CBFB: variants seen among roughly 807,000 people sequenced by gnomAD.
CBFB encodes the protein core-binding factor subunit beta, also known as CBF-beta.
CBFB carries 9 observed loss-of-function variants against 30.4 expected under a neutral mutation model. The observed-to-expected ratio is 0.30, with a 90% CI of 0.18 to 0.52. The LOEUF is 0.52. CBFB is among the 20% of genes least tolerant of loss of function. The probability of loss-of-function intolerance (pLI) is 0.97; values close to 1 mark genes in which losing one functional copy is unlikely to be tolerated. For synonymous variants in CBFB, 94 were observed against 84.0 expected (o/e 1.12, Z -0.65); for missense variants, 170 against 244.0 (o/e 0.70, Z 2.02).
intron 2 of CBFB, among the ~76,000 whole-genome samples, chr16:67,033,748 A>T (rs1452581672): frequency 1.3e-5 from 2 of 148,714 alleles, no homozygotes; most frequent in East Asian, 3.9e-4. Context: ...AGTAACTGGG[A>T]CTACAGTCGC....
chr16:67,060,793 G>T (rs1269030201), intron 3 of CBFB, among the ~76,000 whole-genome samples: 4 of 152,158 alleles, frequency 2.6e-5, no homozygotes, highest in Non-Finnish European at 4.4e-5. Flanking sequence ...GACCTCAGAT[G>T]ATCTGCCCAT....
intron 5 of CBFB, among the ~76,000 whole-genome samples, chr16:67,094,909 G>A (rs768714608): frequency 6.6e-6 from 1 of 152,118 alleles, no homozygotes; most frequent in African/African-American, 2.4e-5. Flanking sequence ...ACATGCTAGA[G>A]AAATATATCA....
At chr16:67,068,651 T>C (rs2145753346) in intron 4 of CBFB, among the ~76,000 whole-genome samples, 1 of 152,224 alleles carries the variant, frequency 6.6e-6, no homozygotes, top group African/African-American at 2.4e-5. Flanking sequence ...ATCTAAACTG[T>C]CTGGTTTTCA....
intron 5 of CBFB, among the ~76,000 whole-genome samples, chr16:67,092,640 A>AT (rs944305876): frequency 2.6e-4 from 18 of 68,892 alleles, no homozygotes; most frequent in East Asian, 9.8e-4. Flanking sequence ...ATTTTATTTT[A>AT]TTTTTTTTAG....
intron 3 of CBFB, among the ~76,000 whole-genome samples, chr16:67,059,348 T>TCAGG (rs1421825752): frequency 6.6e-6 from 1 of 152,174 alleles, no homozygotes; most frequent in African/African-American, 2.4e-5. Context: ...ATTTACCATC[T>TCAGG]CAGGCCCTGT....
chr16:67,059,398 T>G (rs1321484385), intron 3 of CBFB, among the ~76,000 whole-genome samples: 1 of 152,198 alleles, frequency 6.6e-6, no homozygotes, highest in Non-Finnish European at 1.5e-5. Context: ...AAAGGCAGAA[T>G]GGAGTTTTTC....
chr16:67,029,654 C>T (rs1009079133), intron 1 of CBFB, 73 bp from the exon 2 acceptor site: 2 of 1,423,698 alleles, frequency 1.4e-6, no homozygotes, highest in African/African-American at 1.5e-5. Context: ...CTTATCGGCG[C>T]TGCGCTGGGA....
At chr16:67,075,020 C>T (rs762227856) in intron 4 of CBFB, among the ~76,000 whole-genome samples, 2 of 151,992 alleles carry the variant, frequency 1.3e-5, no homozygotes, top group Non-Finnish European at 2.9e-5. Context: ...AAAACCCCAT[C>T]TCTACTAAAA....
At chr16:67,051,730 T>C (rs1370952393) in intron 3 of CBFB, among the ~76,000 whole-genome samples, 1 of 151,410 alleles carries the variant, frequency 6.6e-6, no homozygotes, top group Admixed American at 6.6e-5. Flanking sequence ...AAATGTATTA[T>C]ATGATTTTGG....
chr16:67,037,359 T>G (rs1178531205), intron 3 of CBFB, among the ~76,000 whole-genome samples: 1 of 152,160 alleles, frequency 6.6e-6, no homozygotes, highest in African/African-American at 2.4e-5. Context: ...TATATGTAAG[T>G]ATAGTGCTAT....
At chr16:67,046,883 G>A (rs772942141) in intron 3 of CBFB, among the ~76,000 whole-genome samples, 2 of 152,200 alleles carry the variant, frequency 1.3e-5, no homozygotes, top group Admixed American at 6.6e-5. Context: ...TAGTGATATG[G>A]TAGACTTTAA....
chr16:67,036,763 A>G lies in CBFB; in HGVS notation c.282+8A>G. 1 of 1,508,130 alleles carries G rather than the reference A, an allele frequency of 6.6e-7. No individual in the cohort carries two copies. Among genetic ancestry groups the G allele is most frequent in the Non-Finnish European group, 9.2e-7 (1 of 1,083,670 alleles). 93.4% of individuals were successfully genotyped at this position (1,508,130 alleles called of 1,614,324 possible). ...GAAAGAGAAGCAGGCAAGGTAGGAAACATTTCTTTGCAATTTAAAATACTG... is the reference window on the plus strand; with the variant it reads ...GAAAGAGAAGCAGGCAAGGTAGGAAGCATTTCTTTGCAATTTAAAATACTG... On this transcript the variant is annotated splice_region_variant and intron_variant, in intron 3 of 5. Coordinates refer to ENST00000412916, the MANE Select transcript of CBFB (RefSeq NM_022845.3).
At chr16:67,097,728 A>T (rs1262341558) in intron 5 of CBFB, among the ~76,000 whole-genome samples, 1 of 152,168 alleles carries the variant, frequency 6.6e-6, no homozygotes, top group East Asian at 1.9e-4. Flanking sequence ...AATAGAGATA[A>T]ATAATAGCAC....
chr16:67,029,334 C>A lies in CBFB; in HGVS notation c.-74C>A. 1 of 1,084,652 alleles carries A rather than the reference C, an allele frequency of 9.2e-7. No individual in the cohort carries two copies. The highest frequency in any genetic ancestry group is 1.2e-6 in the Non-Finnish European group (1 of 829,532). The allele number at this position is 1,084,652 out of a possible 1,614,324, so 67.2% of individuals were successfully genotyped here. ...CGCCGCGGGTGGGCGGTCAGTCGGT[C>A]AGCGCGGAGCCAGCCAGCGGGTGCC... On this transcript the variant is annotated 5_prime_UTR_variant, in exon 1 of 6. Transcript: ENST00000412916.
chr16:67,068,929 T>A (rs1337418910), intron 4 of CBFB, among the ~76,000 whole-genome samples: 1 of 152,112 alleles, frequency 6.6e-6, no homozygotes, highest in Non-Finnish European at 1.5e-5. Context: ...ATTCTGGAGT[T>A]GAGGCTGGCC....
intron 4 of CBFB, 49 bp downstream of exon 4, chr16:67,066,847 C>T (rs1431452645): frequency 9.2e-7 from 1 of 1,090,086 alleles, no homozygotes; most frequent in South Asian, 1.3e-5. Context: ...AGTCCCTAAT[C>T]TTGCCTTTGC....
At chr16:67,079,524 T>TC (rs1388978981) in intron 4 of CBFB, among the ~76,000 whole-genome samples, 1 of 150,206 alleles carries the variant, frequency 6.7e-6, no homozygotes, top group East Asian at 1.9e-4. Context: ...TCTTTTTTTT[T>TC]TTTTTTTTTT....
intron 3 of CBFB, among the ~76,000 whole-genome samples, chr16:67,045,150 A>G (rs1456973615): frequency 6.6e-6 from 1 of 152,144 alleles, no homozygotes; most frequent in Non-Finnish European, 1.5e-5. Flanking sequence ...TTGTATTTTT[A>G]AAGAAAAGTT....
chr16:67,077,080 T>TTCTA (rs1298231863), intron 4 of CBFB, among the ~76,000 whole-genome samples: 1 of 152,194 alleles, frequency 6.6e-6, no homozygotes, highest in Non-Finnish European at 1.5e-5. Context: ...CCTAGTAGAT[T>TTCTA]TCTAATTCAA....
Sources: allele counts gnomAD v4.1 joint callset (sites outside exome capture counted in the v4.1 genomes callset), GRCh38; gene constraint gnomAD v4.1.1; transcripts MANE v1.5; gene names NCBI Gene and HGNC (gene_info 2026-07-23, HGNC 2026-07-21).